Variants in GPR89B observed in about 807,000 individuals in gnomAD.
The protein encoded by GPR89B is G protein-coupled receptor 89B.
Under a neutral mutation model 52.4 loss-of-function variants are expected in GPR89B, and 25 were observed. The observed-to-expected ratio is 0.48, with a 90% CI of 0.35 to 0.67. GPR89B has a LOEUF of 0.67. GPR89B is among the 30% of genes least tolerant of loss of function. The pLI is 0.01. For synonymous variants in GPR89B, 52 were observed against 151.2 expected, an observed-to-expected ratio of 0.34 and a Z score of 4.81; for missense variants, 146 against 450.2, an observed-to-expected ratio of 0.32 and a Z score of 6.11.
chr1:147,932,487 C>A (rs1571214632), intron 1 of GPR89B, among the ~76,000 whole-genome samples: 1 of 152,148 alleles, frequency 6.6e-6, no homozygotes, highest in East Asian at 1.9e-4. Context: ...CTGAATTATT[C>A]CTTTTCTTGA....
chr1:147,978,328 G>T (rs1324264844), intron 10 of GPR89B, among the ~76,000 whole-genome samples: 1 of 151,972 alleles, frequency 6.6e-6, no homozygotes, highest in Non-Finnish European at 1.5e-5. Context: ...GGTATTACCA[G>T]TGGAGGCTGC....
chr1:148,021,868 G>A, the GPR89B span: 2 of 147,042 alleles, frequency 1.4e-5, no homozygotes, highest in Admixed American at 6.8e-5. Context: ...GGAAAGCCCC[G>A]CGATCATCCG....
chr1:147,965,645 A>T (rs1373194106), intron 7 of GPR89B, among the ~76,000 whole-genome samples: 4 of 152,020 alleles, frequency 2.6e-5, no homozygotes, highest in Non-Finnish European at 4.4e-5. Flanking sequence ...CTGTTGACTT[A>T]TTCACCTGTA....
the GPR89B span, chr1:148,005,618 G>A: frequency 1.4e-5 from 16 of 1,167,040 alleles, no homozygotes; most frequent in South Asian, 2.8e-5. Flanking sequence ...ATTGCCTCCC[G>A]ATTCCTACTT....
chr1:148,019,857 T>C, the GPR89B span, among the ~76,000 whole-genome samples: 730 of 151,950 alleles, frequency 4.8e-3, 4 homozygotes, highest in Non-Finnish European at 7.1e-3. Flanking sequence ...GGGAGTGAAA[T>C]GTCCATTTAT....
chr1:148,017,773 AAT>A, the GPR89B span, among the ~76,000 whole-genome samples: 1 of 150,972 alleles, frequency 6.6e-6, no homozygotes. Flanking sequence ...AATAAAATAA[AAT>A]AAAGTTAACA....
chr1:148,008,638 A>G, the GPR89B span, among the ~76,000 whole-genome samples: 1 of 152,344 alleles, frequency 6.6e-6, no homozygotes, highest in African/African-American at 2.4e-5. Context: ...CCCCAGAGCC[A>G]CGGTCAACTG....
rs1473958709 is a variant in GPR89B at position 147,968,856 on chromosome 1, G to A, written c.728-19G>A. 1.2e-6 allele frequency: 2 copies of A among 1,612,798 alleles called. No homozygotes were observed. Among genetic ancestry groups the A allele is most frequent in the Non-Finnish European group, 1.7e-6 (2 of 1,179,414 alleles). On this transcript the variant is annotated intron_variant, in intron 8 of 13. Coordinates refer to ENST00000314163, the MANE Select transcript of GPR89B (RefSeq NM_016334.5). ...GAAATTCCTATGTGATTAAAACCTTGATGCCCATTCTGTGCCAGATCTTAC... is the reference window on the plus strand; with the variant it reads ...GAAATTCCTATGTGATTAAAACCTTAATGCCCATTCTGTGCCAGATCTTAC...
chr1:147,964,025 A>T (rs1349067956), intron 7 of GPR89B, among the ~76,000 whole-genome samples: 2 of 152,074 alleles, frequency 1.3e-5, no homozygotes, highest in Non-Finnish European at 2.9e-5. Flanking sequence ...GGAATTAAGG[A>T]ATTGGAGGTG....
At chr1:148,017,285 G>GC in the GPR89B span, among the ~76,000 whole-genome samples, 4 of 151,044 alleles carry the variant, frequency 2.6e-5, no homozygotes, top group Non-Finnish European at 5.9e-5. Context: ...CTCGTGATCT[G>GC]CCCCCCTCAG....
Position 147,938,782 on chromosome 1 carries a change from C to T in GPR89B, c.171C>T (p.Leu57=), listed in dbSNP as rs1654307756. 5 of 1,575,984 alleles carry T rather than the reference C, an allele frequency of 3.2e-6. No homozygotes were observed. Among genetic ancestry groups the T allele is most frequent in the African/African-American group, 1.5e-5 (1 of 65,566 alleles). The stretch of plus-strand genomic sequence containing the variant: ...CATTTTCTTGCACCATGTTTGAGCT[C>T]ATCATCTTTGAAATCTTAGGAGTAT... ...TFAFSCTMFE[L]IIFEILGVLN... Residue 57 remains leucine (L), a synonymous_variant, in exon 3 of 14, where the codon CTC becomes CTT. Coordinates refer to ENST00000314163, the MANE Select transcript of GPR89B (RefSeq NM_016334.5).
intron 10 of GPR89B, among the ~76,000 whole-genome samples, chr1:147,972,615 TA>T (rs1156948206): frequency 1.3e-5 from 2 of 151,912 alleles, no homozygotes; most frequent in African/African-American, 2.4e-5. Context: ...TTCCCACCCA[TA>T]TTTTTTTTGG....
intron 10 of GPR89B, among the ~76,000 whole-genome samples, chr1:147,980,667 C>G (rs1284461334): frequency 6.7e-6 from 1 of 150,076 alleles, no homozygotes; most frequent in East Asian, 1.9e-4. Flanking sequence ...ACATTTTTAT[C>G]AAGCCAAAAA....
chr1:148,006,928 G>T, the GPR89B span, among the ~76,000 whole-genome samples: 1 of 150,984 alleles, frequency 6.6e-6, no homozygotes, highest in Non-Finnish European at 1.5e-5. Flanking sequence ...TGTTGGCCAG[G>T]CTTGTCTCGA....
At chr1:147,968,987 G>T in intron 9 of GPR89B, 24 bp downstream of exon 9, 1 of 1,565,158 alleles carries the variant, frequency 6.4e-7, no homozygotes, top group African/African-American at 1.4e-5. Flanking sequence ...AAACTGAAGT[G>T]TGGTTTTTAC....
chr1:147,990,774 T>C (rs1659008558), intron 12 of GPR89B, among the ~76,000 whole-genome samples: 1 of 151,348 alleles, frequency 6.6e-6, no homozygotes, highest in African/African-American at 2.5e-5. Context: ...TGTGGTATTA[T>C]TTCTGAGGGC....
the GPR89B span, among the ~76,000 whole-genome samples, chr1:148,021,338 TA>T: frequency 6.6e-6 from 1 of 151,648 alleles, no homozygotes; most frequent in Non-Finnish European, 1.5e-5. Context: ...CCGTCTCTAC[TA>T]AAAATACAAA....
chr1:148,014,422 G>A, the GPR89B span: 1 of 151,276 alleles, frequency 6.6e-6, no homozygotes, highest in African/African-American at 2.5e-5. Context: ...TCAGGAGAGT[G>A]AGTGCGCGAA....
chr1:147,948,198 G>A lies in GPR89B; in HGVS notation c.415+4100G>A, dbSNP rs587690217. Among the ~76,000 whole-genome samples, 6 of 152,068 alleles carry A rather than the reference G, an allele frequency of 3.9e-5. No homozygotes were observed. The East Asian group carries it at 7.8e-4, about 20-fold the overall frequency. The stretch of plus-strand genomic sequence containing the variant: ...CCCTTTCTGAGACAGGGATATTTAA[G>A]CTGAGATTTAAAGGACAAGACCAAA... On this transcript the variant is annotated intron_variant, in intron 5 of 13. Coordinates refer to ENST00000314163, the MANE Select transcript of GPR89B (RefSeq NM_016334.5).
Sources: gnomAD v4.1 joint callset for allele counts (sites outside exome capture counted in the v4.1 genomes callset) on GRCh38, gnomAD v4.1.1 for gene constraint, MANE v1.5 for transcripts, NCBI Gene and HGNC (gene_info 2026-07-23, HGNC 2026-07-21) for gene names.